ASTN2: variants seen among roughly 807,000 people sequenced by gnomAD.
ASTN2 encodes the protein astrotactin-2.
In ASTN2, 54 loss-of-function variants were observed where a neutral mutation model predicts 139.8. The ratio of observed to expected loss-of-function variants is 0.39; its 90% CI spans 0.31 to 0.48. The LOEUF is 0.48. ASTN2 is among the 20% of genes least tolerant of loss of function. The pLI, the probability that ASTN2 is intolerant of heterozygous loss-of-function variation, is 0.95. For missense variants in ASTN2, 1,565 were observed against 1,725.1 expected (o/e 0.91, Z 1.64); for synonymous variants, 756 against 719.5 (o/e 1.05, Z -0.81).
intron 17 of ASTN2, among the ~76,000 whole-genome samples, chr9:116,650,611 A>AG (rs1490768292): frequency 6.6e-6 from 1 of 152,208 alleles, no homozygotes; most frequent in African/African-American, 2.4e-5. Context: ...ACAGATCTGG[A>AG]GGGCAGAGTA....
chr9:117,238,090 T>C (rs1413893751), intron 2 of ASTN2, among the ~76,000 whole-genome samples: 1 of 152,098 alleles, frequency 6.6e-6, no homozygotes, highest in Non-Finnish European at 1.5e-5. Flanking sequence ...GCAACCTGGC[T>C]CCCTAGAAGG....
chr9:117,211,854 G>T (rs1186050251), intron 3 of ASTN2, among the ~76,000 whole-genome samples: 1 of 151,888 alleles, frequency 6.6e-6, no homozygotes, highest in African/African-American at 2.4e-5. Flanking sequence ...AACCAAAGAG[G>T]TAAAAGATCT....
chr9:117,000,362 A>G (rs1399854481), intron 7 of ASTN2, among the ~76,000 whole-genome samples: 4 of 152,242 alleles, frequency 2.6e-5, no homozygotes, highest in Non-Finnish European at 4.4e-5. Flanking sequence ...ACTGTGGTTC[A>G]CTACATGCTT....
At chr9:116,548,269 C>T (rs1468543655) in intron 19 of ASTN2, among the ~76,000 whole-genome samples, 4 of 152,102 alleles carry the variant, frequency 2.6e-5, no homozygotes, top group African/African-American at 7.2e-5. Flanking sequence ...GATTCAAAGT[C>T]GAGGCCAAGG....
chr9:117,411,650 C>G (rs1282544516), intron 1 of ASTN2, among the ~76,000 whole-genome samples: 1 of 152,036 alleles, frequency 6.6e-6, no homozygotes, highest in Non-Finnish European at 1.5e-5. Context: ...TTGTTTGTCC[C>G]CCTTTAATAC....
At chr9:116,625,489 C>T (rs1333510954) in intron 17 of ASTN2, among the ~76,000 whole-genome samples, 1 of 152,132 alleles carries the variant, frequency 6.6e-6, no homozygotes, top group East Asian at 1.9e-4. Flanking sequence ...CTGGTGCCGC[C>T]CATTCTATAG....
At chr9:116,713,819 A>T (rs1481436685) in intron 16 of ASTN2, among the ~76,000 whole-genome samples, 1 of 152,162 alleles carries the variant, frequency 6.6e-6, no homozygotes, top group Non-Finnish European at 1.5e-5. Context: ...GATTAAATGA[A>T]ATTGTGCATG....
chr9:117,182,201 G>A (rs1433256316), intron 3 of ASTN2, among the ~76,000 whole-genome samples: 1 of 151,556 alleles, frequency 6.6e-6, no homozygotes, highest in African/African-American at 2.4e-5. Flanking sequence ...TATTTATGTA[G>A]GGAGAGAAAT....
chr9:116,970,556 C>T (rs542046876), intron 10 of ASTN2, among the ~76,000 whole-genome samples: 2 of 152,102 alleles, frequency 1.3e-5, no homozygotes, highest in Non-Finnish European at 2.9e-5. Flanking sequence ...AATTTTGACT[C>T]ATTTAAAGCA....
intron 13 of ASTN2, among the ~76,000 whole-genome samples, chr9:116,760,893 A>T (rs1214530446): frequency 6.6e-6 from 1 of 152,158 alleles, no homozygotes; most frequent in Non-Finnish European, 1.5e-5. Flanking sequence ...CTGTAGGAAC[A>T]CCAAACCTAC....
chr9:116,732,784 G>C (rs1432180114), intron 14 of ASTN2, among the ~76,000 whole-genome samples: 2 of 152,236 alleles, frequency 1.3e-5, no homozygotes, highest in African/African-American at 4.8e-5. Context: ...AAGTGGAGTA[G>C]AAAGGGCAAA....
At chr9:116,587,245 G>A (rs1157791860) in intron 19 of ASTN2, among the ~76,000 whole-genome samples, 3 of 151,576 alleles carry the variant, frequency 2.0e-5, no homozygotes, top group African/African-American at 7.3e-5. Context: ...GGAGGCTGAG[G>A]CAGGAGAATT....
chr9:116,856,928 G>A (rs151014631), intron 11 of ASTN2, among the ~76,000 whole-genome samples: 30 of 152,280 alleles, frequency 2.0e-4, no homozygotes, highest in African/African-American at 7.0e-4. Context: ...AAGACCCAGC[G>A]AGTATGCAAA....
intron 13 of ASTN2, among the ~76,000 whole-genome samples, chr9:116,761,475 A>G (rs1407312692): frequency 6.6e-6 from 1 of 151,940 alleles, no homozygotes; most frequent in African/African-American, 2.4e-5. Context: ...TTCAAAGAAG[A>G]CTCCTGGAGG....
At chr9:116,925,907 CATGCACAT>C (rs1205619617) in intron 10 of ASTN2, among the ~76,000 whole-genome samples, 4 of 151,982 alleles carry the variant, frequency 2.6e-5, no homozygotes, top group African/African-American at 4.8e-5. Flanking sequence ...CACATGCACA[CATGCACAT>C]AGGGATGCTC....
At chr9:117,108,088 C>A (rs1829152419) in intron 4 of ASTN2, among the ~76,000 whole-genome samples, 1 of 152,108 alleles carries the variant, frequency 6.6e-6, no homozygotes, top group Non-Finnish European at 1.5e-5. Flanking sequence ...TGTAAGACTG[C>A]AATTAAGTTG....
chr9:116,816,896 A>AAAATAAATAAATAAATAAATAAATAAAT (rs10525804), intron 12 of ASTN2, among the ~76,000 whole-genome samples: 1,733 of 148,194 alleles, frequency 0.012, 11 homozygotes, highest in East Asian at 0.023. Flanking sequence ...GGTAGAAATG[A>AAAATAAATAAATAAATAAATAAATAAAT]AAATAAATAA....
chr9:117,241,299 T>C (rs192940078), intron 2 of ASTN2, among the ~76,000 whole-genome samples: 1 of 152,214 alleles, frequency 6.6e-6, no homozygotes, highest in Non-Finnish European at 1.5e-5. Flanking sequence ...AAACCAGGAG[T>C]ACCTTCTAAA....
intron 10 of ASTN2, among the ~76,000 whole-genome samples, chr9:116,959,098 C>T (rs1835805739): frequency 6.6e-6 from 1 of 152,002 alleles, no homozygotes; most frequent in African/African-American, 2.4e-5. Flanking sequence ...AGCACTGAGA[C>T]ACAGAAGCAC....
Sources: allele counts gnomAD v4.1 joint callset (sites outside exome capture counted in the v4.1 genomes callset), GRCh38; gene constraint gnomAD v4.1.1; transcripts MANE v1.5; gene names NCBI Gene and HGNC (gene_info 2026-07-23, HGNC 2026-07-21).